Variants in PICK1 observed in about 807,000 individuals in gnomAD.
PICK1 encodes protein interacting with PRKCA 1, also known as PRKCA-binding protein.
A neutral mutation model predicts 48.9 loss-of-function variants in PICK1; 23 were observed. That is an observed-to-expected ratio of 0.47 (90% CI 0.34 to 0.67). The LOEUF is 0.67. Among genes scored for constraint, PICK1 ranks in the 30% least tolerant of loss-of-function variants. The pLI is 0.01. For synonymous variants in PICK1, 217 were observed against 228.2 expected (o/e 0.95, Z 0.44); for missense variants, 423 against 557.1 (o/e 0.76, Z 2.42).
rs1289157860 is a variant in PICK1 at position 38,073,711 on chromosome 22, T to A, written c.784-62T>A. On this transcript the variant is annotated intron_variant, in intron 10 of 12. Transcript: ENST00000356976. The surrounding 1 kb of genome is among the most constrained non-coding windows in gnomAD (Gnocchi z 5.7). ...TCCTGCTGCGTGTGGGTGATGGGGG[T>A]GGAGCTGGGGACCTGGGGTGGGGGT... The A allele has an allele frequency of 7.7e-6, 11 of 1,437,800 alleles. No homozygotes were observed. The highest frequency in any genetic ancestry group is 3.4e-5 in the Admixed American group (2 of 59,670). The allele number at this position is 1,437,800 out of a possible 1,614,324, so 89.1% of individuals were successfully genotyped here. A position where few individuals can be genotyped will look rare whatever the true frequency, so the allele number is the denominator to read the frequency against.
Position 38,057,500 on chromosome 22 carries a change from G to A in PICK1, c.-145G>A, listed in dbSNP as rs1343796927. The A allele has an allele frequency of 7.3e-6, 3 of 412,806 alleles. No homozygotes were observed. Among genetic ancestry groups the A allele is most frequent in the African/African-American group, 6.0e-5 (3 of 50,164 alleles). 25.6% of individuals were successfully genotyped at this position (412,806 alleles called of 1,614,324 possible). On this transcript the variant is annotated 5_prime_UTR_variant, in exon 1 of 13. Coordinates refer to ENST00000356976, the MANE Select transcript of PICK1 (RefSeq NM_012407.4). Reference sequence around the variant, plus strand: ...GGACCAACGCTTCCGGTGAGCGACAGAGGCAGCTCCCCAGGGCCTGGAGAC... The same window carrying A: ...GGACCAACGCTTCCGGTGAGCGACAAAGGCAGCTCCCCAGGGCCTGGAGAC...
chr22:38,059,080 A>G (rs991904932), intron 2 of PICK1, among the ~76,000 whole-genome samples, 154 bp from the exon 3 acceptor site: 1 of 152,220 alleles, frequency 6.6e-6, no homozygotes, highest in Non-Finnish European at 1.5e-5. Flanking sequence ...TAACTCCAAG[A>G]GCTGTGCATG....
chr22:38,057,308 C>G (rs2085292355), upstream of PICK1: 1 of 183,352 alleles, frequency 5.5e-6, no homozygotes, highest in Non-Finnish European at 1.2e-5. Context: ...TTCCGAGCGT[C>G]CCGGGAGCCG....
chr22:38,059,365 G>GATGTACCTT lies in PICK1; in HGVS notation c.153+20_153+21insATGTACCTT. 2 of 1,466,738 alleles carry GATGTACCTT rather than the reference G, an allele frequency of 1.4e-6. No homozygotes were observed. Among genetic ancestry groups the GATGTACCTT allele is most frequent in the South Asian group, 1.2e-5 (1 of 82,356 alleles). The allele number at this position is 1,466,738 out of a possible 1,614,324, so 90.9% of individuals were successfully genotyped here. A position where few individuals can be genotyped will look rare whatever the true frequency, so the allele number is the denominator to read the frequency against. On this transcript the variant is annotated intron_variant, in intron 3 of 12. Coordinates refer to ENST00000356976, the MANE Select transcript of PICK1 (RefSeq NM_012407.4). ...GTCCAGGTATTGGGCGCTTTGGAGG[G>GATGTACCTT]GGGCACAAGGTACATCCCTACTTGG...
chr22:38,072,671 A>G, intron 9 of PICK1, 61 bp downstream of exon 9: 13 of 1,601,204 alleles, frequency 8.1e-6, no homozygotes, highest in Non-Finnish European at 1.0e-5. Context: ...AGAGTGTGGC[A>G]TGCAGAGAAG....
At chr22:38,066,000 C>T (rs2085515714) in intron 4 of PICK1, among the ~76,000 whole-genome samples, 1 of 152,198 alleles carries the variant, frequency 6.6e-6, no homozygotes, top group African/African-American at 2.4e-5. Context: ...AGGCCAGCCG[C>T]TGCTCCATCC....
Position 38,062,422 on chromosome 22 carries a change from A to G in PICK1, c.154-2580A>G, listed in dbSNP as rs951608625. ...GCCACCACGCCTGGCTAATTCTTGTATTTTTAGTAGAGACGGGGTTTCACC... is the reference window on the plus strand; with the variant it reads ...GCCACCACGCCTGGCTAATTCTTGTGTTTTTAGTAGAGACGGGGTTTCACC... On this transcript the variant is annotated intron_variant, in intron 3 of 12. Transcript: ENST00000356976. 2.0e-5 allele frequency among the ~76,000 whole-genome samples: 3 copies of G among 151,708 alleles called. No homozygotes were observed. In the East Asian group the frequency reaches 5.8e-4, roughly 29 times the overall value.
intron 5 of PICK1, chr22:38,068,255 C>G (rs2085581346): frequency 2.6e-6 from 1 of 385,186 alleles, no homozygotes; most frequent in Admixed American, 3.1e-5. Context: ...GGTCTGCGCC[C>G]TGGGACAAGT....
Position 38,071,725 on chromosome 22 carries a change from G to C in PICK1, c.537G>C (p.Glu179Asp). 1 of 1,613,570 alleles carries C rather than the reference G, an allele frequency of 6.2e-7. No homozygotes were observed. The highest frequency in any genetic ancestry group is 8.5e-7 in the Non-Finnish European group (1 of 1,179,922). The change falls in exon 8 of 13, where the codon GAG (glutamate) becomes GAC (aspartate). Residue 179 changes from glutamate to aspartate, a missense_variant. By Grantham distance (45) the Glu-to-Asp change is conservative. Around this residue, in one of 2 missense-constraint regions of PICK1, gnomAD observed 279 missense variants for 417.8 expected, o/e 0.67. Coordinates refer to ENST00000356976, the MANE Select transcript of PICK1 (RefSeq NM_012407.4). ...AGAACCTCCTACGGGCCTTTTATGA[G>C]CTGTCGCAGACTCACCGGGGTAATG... Reference protein sequence around the residue: ...HTKNLLRAFYELSQTHRAFGD... With the variant: ...HTKNLLRAFYDLSQTHRAFGD...
chr22:38,060,751 AT>A (rs10639701), intron 3 of PICK1, among the ~76,000 whole-genome samples: 66 of 142,150 alleles, frequency 4.6e-4, no homozygotes, highest in Admixed American at 6.9e-4. Context: ...AGTATAATTG[AT>A]TTTTTTTTTT....
Position 38,074,984 on chromosome 22 carries a change from C to G in PICK1, c.1100C>G (p.Thr367Ser). ...CCCATCGAGGTAGACCTGGCGCACA[C>G]CACATTGGCCTATGGCCTCAACCAG... Reference protein sequence around the residue: ...VFPIEVDLAHTTLAYGLNQEE... With the variant: ...VFPIEVDLAHSTLAYGLNQEE... Residue 367 changes from threonine (T) to serine (S), a missense_variant, in exon 13 of 13, where the codon ACC becomes AGC. Physicochemically the swap from Thr to Ser is moderately conservative, Grantham distance 58. Coordinates refer to ENST00000356976, the MANE Select transcript of PICK1 (RefSeq NM_012407.4). This position sits in a 1 kb window ranked among gnomAD's most constrained non-coding sequence, Gnocchi z 4.5. 6.2e-7 allele frequency: 1 copy of G among 1,613,674 alleles called. No individual in the cohort carries two copies.
intron 3 of PICK1, among the ~76,000 whole-genome samples, chr22:38,062,639 G>T (rs1019833106): frequency 6.6e-6 from 1 of 151,788 alleles, no homozygotes. Context: ...CCCCCATCTT[G>T]GGGGTCCCTT....
chr22:38,065,220 G>C (rs969070745), intron 4 of PICK1, 90 bp downstream of exon 4: 29 of 1,369,084 alleles, frequency 2.1e-5, no homozygotes, highest in South Asian at 1.5e-4. Context: ...GGCCTGGAAG[G>C]GGGTATCAGC....
At position 38,073,940 on chromosome 22, in the gene PICK1, T is replaced by C. The variant is rs115323443; in HGVS notation, c.834+117T>C. On this transcript the variant is annotated intron_variant, in intron 11 of 12. Coordinates refer to ENST00000356976, the MANE Select transcript of PICK1 (RefSeq NM_012407.4). This position sits in a 1 kb window ranked among gnomAD's most constrained non-coding sequence, Gnocchi z 5.7. ...GGGGACTTGGCTGGACTCTCGTTCC[T>C]GGAGATTTAGGGCCATCTTCCCAGT... 1,138 of 1,087,006 alleles carry C rather than the reference T, an allele frequency of 1.0e-3. 5 individuals are homozygous for C. In the African/African-American group the frequency reaches 0.014, roughly 14 times the overall value. 67.3% of individuals were successfully genotyped at this position (1,087,006 alleles called of 1,614,324 possible).
In PICK1 at chr22:38,057,745, G is replaced by T. The variant is rs1416772096; in HGVS notation, c.-57-8G>T. On this transcript the variant is annotated splice_polypyrimidine_tract_variant and splice_region_variant and intron_variant, in intron 1 of 12. Transcript: ENST00000356976. The stretch of plus-strand genomic sequence containing the variant: ...TAAATCCTATGCTCCTTTCTCTCCC[G>T]GATCCAGTTCCCCATTCCCCTACCG... The T allele has an allele frequency of 1.4e-6, 2 of 1,444,730 alleles. No homozygotes were observed. The highest frequency in any genetic ancestry group is 4.5e-5 in the East Asian group (2 of 44,054). The allele number at this position is 1,444,730 out of a possible 1,614,324, so 89.5% of individuals were successfully genotyped here.
chr22:38,058,176 A>G, intron 2 of PICK1: 1 of 422,616 alleles, frequency 2.4e-6, no homozygotes, highest in South Asian at 2.4e-5. Context: ...TTGAAGGTTG[A>G]ATAGGAATAT....
Position 38,074,514 on chromosome 22 carries a change from G to A in PICK1, c.979+63G>A. 6.3e-7 allele frequency: 1 copy of A among 1,597,106 alleles called. No homozygotes were observed. Among genetic ancestry groups the A allele is most frequent in the Non-Finnish European group, 8.5e-7 (1 of 1,171,072 alleles). On this transcript the variant is annotated intron_variant, in intron 12 of 12. Transcript: ENST00000356976. The surrounding 1 kb of genome is among the most constrained non-coding windows in gnomAD (Gnocchi z 4.5). ...AGAGGTGGGAAAACTGAGGCCCAGA[G>A]GGGTACTCTCAGGGCCAGGCCACGG...
intron 2 of PICK1, among the ~76,000 whole-genome samples, chr22:38,058,824 G>A (rs547114804): frequency 1.8e-4 from 28 of 152,252 alleles, no homozygotes; most frequent in African/African-American, 6.7e-4. Context: ...GGCCAACATG[G>A]TGAAACCCCG....
rs577250825 is a variant in PICK1, at chr22:38,073,644, C to T, written c.784-129C>T. On this transcript the variant is annotated intron_variant, in intron 10 of 12. Coordinates refer to ENST00000356976, the MANE Select transcript of PICK1 (RefSeq NM_012407.4). The surrounding 1 kb of genome is among the most constrained non-coding windows in gnomAD (Gnocchi z 5.7). ...GGCCCTGTCATCCCTCAGCACCTGC[C>T]GCTGCCCGCTCTGGGACTCCCTGAA... is the stretch of plus-strand genomic sequence containing the variant. The T allele has an allele frequency of 1.9e-4, 162 of 860,668 alleles. No individual in the cohort carries two copies. The African/African-American group carries it at 2.0e-3, about 10-fold the overall frequency. The allele number at this position is 860,668 out of a possible 1,614,324, so 53.3% of individuals were successfully genotyped here.
Sources: gnomAD v4.1 joint callset for allele counts (sites outside exome capture counted in the v4.1 genomes callset) on GRCh38, gnomAD v4.1.1 for gene constraint, gnomAD v4.1.1 regional missense constraint, Gnocchi (gnomAD v3.1) non-coding constraint, MANE v1.5 for transcripts, NCBI Gene and HGNC (gene_info 2026-07-23, HGNC 2026-07-21) for gene names.